RIMBP2: variants seen among roughly 807,000 people sequenced by gnomAD.
The protein encoded by RIMBP2 is RIMS-binding protein 2.
Under a neutral mutation model 118.6 loss-of-function variants are expected in RIMBP2, and 48 were observed. The observed-to-expected ratio is 0.40, with a 90% CI of 0.32 to 0.51. RIMBP2 has a LOEUF of 0.51. Among genes scored for constraint, RIMBP2 ranks in the 20% least tolerant of loss-of-function variants. The pLI is 0.41. For missense variants in RIMBP2, 1,551 were observed against 1,768.3 expected (o/e 0.88, Z 2.20); for synonymous variants, 762 against 742.9 (o/e 1.03, Z -0.42).
chr12:130,627,059 C>T (rs1052738163), intron 2 of RIMBP2, among the ~76,000 whole-genome samples: 1 of 151,904 alleles, frequency 6.6e-6, no homozygotes, highest in African/African-American at 2.4e-5. Context: ...CCCATCTCCT[C>T]GATCAAGTCT....
chr12:130,700,498 A>G (rs1437850529), intron 1 of RIMBP2, among the ~76,000 whole-genome samples: 1 of 152,184 alleles, frequency 6.6e-6, no homozygotes, highest in Non-Finnish European at 1.5e-5. Context: ...AGGGGCCCTC[A>G]ATCCAACGAG....
chr12:130,610,806 C>T (rs922485718), intron 2 of RIMBP2, among the ~76,000 whole-genome samples: 4 of 151,936 alleles, frequency 2.6e-5, no homozygotes, highest in African/African-American at 7.2e-5. Context: ...GTGATCCGCC[C>T]GCCTCGGCCT....
At chr12:130,644,033 G>A (rs1331378481) in intron 1 of RIMBP2, among the ~76,000 whole-genome samples, 2 of 152,218 alleles carry the variant, frequency 1.3e-5, no homozygotes, top group Non-Finnish European at 2.9e-5. Context: ...CAAAGGCCCT[G>A]AGGCAGGAGC....
intron 4 of RIMBP2, among the ~76,000 whole-genome samples, chr12:130,497,527 C>T (rs911060796): frequency 1.3e-4 from 20 of 152,206 alleles, no homozygotes; most frequent in Admixed American, 1.2e-3. Flanking sequence ...GGAGAAGGGG[C>T]TGGAGAGATG....
At chr12:130,686,639 G>C (rs188201576) in intron 1 of RIMBP2, among the ~76,000 whole-genome samples, 2 of 152,362 alleles carry the variant, frequency 1.3e-5, no homozygotes, top group East Asian at 3.9e-4. Context: ...GCACAGCCGT[G>C]CTGGCCCCGG....
chr12:130,614,089 T>C (rs1038857305), intron 2 of RIMBP2, among the ~76,000 whole-genome samples: 4 of 152,240 alleles, frequency 2.6e-5, no homozygotes, highest in African/African-American at 9.6e-5. Flanking sequence ...CTGTCTCACC[T>C]GATGCAACAG....
chr12:130,549,556 T>C (rs1034546230), intron 2 of RIMBP2, among the ~76,000 whole-genome samples: 2 of 152,246 alleles, frequency 1.3e-5, no homozygotes, highest in Non-Finnish European at 2.9e-5. Flanking sequence ...TTCCCCTTTG[T>C]GTCCACGTGT....
intron 1 of RIMBP2, among the ~76,000 whole-genome samples, chr12:130,705,163 G>T (rs1042730666): frequency 1.3e-4 from 20 of 152,184 alleles, no homozygotes; most frequent in Non-Finnish European, 5.9e-5. Flanking sequence ...ACACGGATGT[G>T]CCTGAAACTG....
chr12:130,599,349 CA>C (rs950110760), intron 2 of RIMBP2, among the ~76,000 whole-genome samples: 1 of 152,134 alleles, frequency 6.6e-6, no homozygotes, highest in African/African-American at 2.4e-5. Flanking sequence ...TGGGAGAAGA[CA>C]TTTGCAACTA....
At chr12:130,613,193 G>A (rs987960800) in intron 2 of RIMBP2, among the ~76,000 whole-genome samples, 2 of 152,230 alleles carry the variant, frequency 1.3e-5, no homozygotes, top group Non-Finnish European at 2.9e-5. Context: ...GGATGGGACG[G>A]AGGGAGAGTT....
intron 2 of RIMBP2, among the ~76,000 whole-genome samples, chr12:130,551,745 G>A (rs917158551): frequency 6.6e-6 from 1 of 152,202 alleles, no homozygotes; most frequent in Non-Finnish European, 1.5e-5. Context: ...CTGTAATGTT[G>A]CAGTGGGTCC....
chr12:130,615,512 T>A (rs183483219), intron 2 of RIMBP2, among the ~76,000 whole-genome samples: 59 of 151,876 alleles, frequency 3.9e-4, no homozygotes, highest in African/African-American at 1.4e-3. Flanking sequence ...GTTTTCACCT[T>A]GTTGGCCAGG....
chr12:130,604,155 G>A (rs967184599), intron 2 of RIMBP2, among the ~76,000 whole-genome samples: 3 of 151,848 alleles, frequency 2.0e-5, no homozygotes, highest in Non-Finnish European at 2.9e-5. Context: ...CATTTTAAAC[G>A]GTGTTAAAAT....
At position 130,670,313 on chromosome 12, in the gene RIMBP2, C is replaced by T. The variant is rs1037998484; in HGVS notation, c.-351-41857G>A. The stretch of plus-strand genomic sequence containing the variant: ...ACTCTATATTTATGGTGATTTCTTA[C>T]TGATGGACGTTCTAGGAAGGCATGG... On this transcript the variant is annotated intron_variant, in intron 1 of 22. Coordinates refer to ENST00000690449, the MANE Select transcript of RIMBP2 (RefSeq NM_001393629.1). This position sits in a 1 kb window ranked among gnomAD's most constrained non-coding sequence, Gnocchi z 4.9. 6.6e-6 allele frequency among the ~76,000 whole-genome samples: 1 copy of T among 152,138 alleles called. No homozygotes were observed. The highest frequency in any genetic ancestry group is 1.5e-5 in the Non-Finnish European group (1 of 68,012).
chr12:130,412,604 G>A lies in RIMBP2; in HGVS notation c.3589+15C>T, dbSNP rs772156262. On this transcript the variant is annotated intron_variant, in intron 19 of 22. Transcript: ENST00000690449. Reference sequence around the variant, plus strand: ...TAAAATGCACAGGGAAGGTCGAATAGGGGTTTGCGCTTACCTATTTTCTCC... The same window carrying A: ...TAAAATGCACAGGGAAGGTCGAATAAGGGTTTGCGCTTACCTATTTTCTCC... The A allele has an allele frequency of 1.9e-6, 3 of 1,610,582 alleles. No individual in the cohort carries two copies. The highest frequency in any genetic ancestry group is 3.3e-5 in the Admixed American group (2 of 59,702).
chr12:130,441,598 T>C (rs570907424), intron 11 of RIMBP2, among the ~76,000 whole-genome samples: 30 of 152,144 alleles, frequency 2.0e-4, no homozygotes, highest in South Asian at 1.9e-3. Context: ...TCCTGTCTTT[T>C]GTAGGATGAG....
chr12:130,648,576 C>T (rs1425984668), intron 1 of RIMBP2, among the ~76,000 whole-genome samples: 1 of 145,050 alleles, frequency 6.9e-6, no homozygotes, highest in Non-Finnish European at 1.6e-5. Flanking sequence ...AAATTATTTT[C>T]TGTGCTTTAA....
chr12:130,563,547 T>C (rs1385112248), intron 2 of RIMBP2, among the ~76,000 whole-genome samples: 1 of 152,240 alleles, frequency 6.6e-6, no homozygotes, highest in Non-Finnish European at 1.5e-5. Flanking sequence ...TGACTCATCA[T>C]TGAGACTATA....
chr12:130,646,214 T>G (rs61936794), intron 1 of RIMBP2, among the ~76,000 whole-genome samples: 27 of 12,978 alleles, frequency 2.1e-3, no homozygotes, highest in Middle Eastern at 0.045. Context: ...CACCTCCCTC[T>G]CCACCTCCCT....
Sources: allele counts gnomAD v4.1 joint callset (sites outside exome capture counted in the v4.1 genomes callset), GRCh38; gene constraint gnomAD v4.1.1; non-coding constraint Gnocchi (gnomAD v3.1); transcripts MANE v1.5; gene names NCBI Gene and HGNC (gene_info 2026-07-23, HGNC 2026-07-21).